The following MTOR variants were observed in gnomAD, a reference collection of about 807,000 sequenced individuals.
MTOR encodes mechanistic target of rapamycin kinase, also known as serine/threonine-protein kinase mTOR.
A neutral mutation model predicts 319.8 loss-of-function variants in MTOR; 70 were observed. That is an observed-to-expected ratio of 0.22 (90% CI 0.18 to 0.27). The LOEUF (loss-of-function observed/expected upper bound fraction) is 0.27. Among genes scored for constraint, MTOR ranks in the 10% least tolerant of loss-of-function variants. The pLI is 1.00. For missense variants in MTOR, 1,890 were observed against 3,274.4 expected, an observed-to-expected ratio of 0.58 and a Z score of 10.32; for synonymous variants, 1,183 against 1,211.4, an observed-to-expected ratio of 0.98 and a Z score of 0.49.
chr1:11,158,338 TA>T (rs1479788322), intron 29 of MTOR, among the ~76,000 whole-genome samples: 1 of 152,218 alleles, frequency 6.6e-6, no homozygotes, highest in South Asian at 2.1e-4. Flanking sequence ...GTGCAGTATG[TA>T]GACTAACAAC....
chr1:11,121,504 GA>G lies in MTOR; in HGVS notation c.6811-137del. 1 of 1,230,454 alleles carries G rather than the reference GA, an allele frequency of 8.1e-7. No homozygotes were observed. Among genetic ancestry groups the G allele is most frequent in the Non-Finnish European group, 1.1e-6 (1 of 888,938 alleles). 76.2% of individuals were successfully genotyped at this position (1,230,454 alleles called of 1,614,324 possible). ...CATAGCCAAAGGAGAAGGGAAATAAGAACATGGCAAAAGGAGAAACGAAGTG... is the reference window on the plus strand; with the variant it reads ...CATAGCCAAAGGAGAAGGGAAATAAGACATGGCAAAAGGAGAAACGAAGTG... On this transcript the variant is annotated intron_variant, in intron 48 of 57. Coordinates refer to ENST00000361445, the MANE Select transcript of MTOR (RefSeq NM_004958.4). This position sits in a 1 kb window ranked among gnomAD's most constrained non-coding sequence, Gnocchi z 4.9.
chr1:11,122,999 C>G (rs1204144860), intron 47 of MTOR, among the ~76,000 whole-genome samples: 2 of 152,102 alleles, frequency 1.3e-5, no homozygotes, highest in Non-Finnish European at 2.9e-5. Context: ...AAATACCTCT[C>G]AAGTGAATTC....
chr1:11,205,788 T>C (rs978045398), intron 25 of MTOR, among the ~76,000 whole-genome samples: 1 of 152,202 alleles, frequency 6.6e-6, no homozygotes, highest in African/African-American at 2.4e-5. Flanking sequence ...TAAAATATGT[T>C]CTTCATAGAT....
At chr1:11,232,634 G>A in intron 15 of MTOR, 106 bp from the exon 16 acceptor site, 3 of 813,542 alleles carry the variant, frequency 3.7e-6, no homozygotes, top group Non-Finnish European at 6.0e-6. Context: ...CAGCACTTTG[G>A]GAGGCTGAGG....
At chr1:11,255,577 G>A (rs956269713) in intron 5 of MTOR, among the ~76,000 whole-genome samples, 8 of 151,890 alleles carry the variant, frequency 5.3e-5, no homozygotes, top group African/African-American at 1.5e-4. Flanking sequence ...GAGGCCAGGC[G>A]CGGTAGCTCA....
chr1:11,255,536 T>C (rs1353005390), intron 5 of MTOR, among the ~76,000 whole-genome samples: 3 of 152,152 alleles, frequency 2.0e-5, no homozygotes, highest in Non-Finnish European at 4.4e-5. Context: ...AAAGTAACTA[T>C]TGATTCATAC....
intron 18 of MTOR, 52 bp downstream of exon 18, chr1:11,230,873 G>A (rs778863614): frequency 2.5e-6 from 4 of 1,610,488 alleles, no homozygotes; most frequent in Non-Finnish European, 3.4e-6. Context: ...CAACCAGCAA[G>A]GGCTCTGTGA....
At chr1:11,200,881 G>C (rs889233704) in intron 26 of MTOR, among the ~76,000 whole-genome samples, 3 of 152,016 alleles carry the variant, frequency 2.0e-5, no homozygotes, top group African/African-American at 7.3e-5. Context: ...CGGGCGCGGT[G>C]GTGGTGGCCT....
rs896571874 is a variant in MTOR, at chr1:11,155,759, G to A, written c.4469+1393C>T. 2.0e-5 allele frequency among the ~76,000 whole-genome samples: 3 copies of A among 152,218 alleles called. No homozygotes were observed. The South Asian group carries it at 6.2e-4, about 32-fold the overall frequency. On this transcript the variant is annotated intron_variant, in intron 30 of 57. Coordinates refer to ENST00000361445, the MANE Select transcript of MTOR (RefSeq NM_004958.4). ...TGTTGATGGTATCACAATGTATTAC[G>A]ACAGCCTGGTTGTCTGTCCTGTAAG...
chr1:11,232,802 G>A (rs1414471946), intron 15 of MTOR, among the ~76,000 whole-genome samples: 2 of 150,688 alleles, frequency 1.3e-5, no homozygotes, highest in Non-Finnish European at 3.0e-5. Flanking sequence ...TTGAACCCAG[G>A]AGATGGAGGT....
chr1:11,127,989 G>A lies in MTOR; in HGVS notation c.6033+15C>T, dbSNP rs1311597478. ...GGACCAGGGTCTATGAAGCCCCACA[G>A]TGGCTCCGACCCACCATCATGGCCT... is the stretch of plus-strand genomic sequence containing the variant. On this transcript the variant is annotated intron_variant, in intron 43 of 57. Transcript: ENST00000361445. This position sits in a 1 kb window ranked among gnomAD's most constrained non-coding sequence, Gnocchi z 5.5. The A allele has an allele frequency of 1.3e-5, 21 of 1,613,182 alleles. No individual in the cohort carries two copies. Among genetic ancestry groups the A allele is most frequent in the Non-Finnish European group, 1.8e-5 (21 of 1,179,980 alleles).
In MTOR at chr1:11,130,487, G is replaced by T. The variant is rs201550140; in HGVS notation, c.5613+42C>A. ...AACGATTCCATTTCTCAGAGAGCCT[G>T]GCACCTTGGTTGGTTGTTAATAAGG... On this transcript the variant is annotated intron_variant, in intron 39 of 57. Transcript: ENST00000361445. The T allele has an allele frequency of 3.2e-4, 516 of 1,593,918 alleles. 1 individual carries two copies. Among genetic ancestry groups the T allele is most frequent in the South Asian group, 4.2e-4 (37 of 88,994 alleles).
chr1:11,154,795 G>A (rs1469737767), intron 30 of MTOR, among the ~76,000 whole-genome samples: 1 of 151,942 alleles, frequency 6.6e-6, no homozygotes, highest in African/African-American at 2.4e-5. Flanking sequence ...ACCACAGTGA[G>A]CTGTGATCAC....
At chr1:11,165,895 G>C (rs1314933588) in intron 29 of MTOR, among the ~76,000 whole-genome samples, 3 of 152,130 alleles carry the variant, frequency 2.0e-5, no homozygotes, top group Admixed American at 6.6e-5. Flanking sequence ...CCAAAACAGA[G>C]ATATAGACCA....
rs540138787 is a variant in MTOR at position 11,148,865 on chromosome 1, T to C, written c.4570+1261A>G. On this transcript the variant is annotated intron_variant, in intron 31 of 57. Transcript: ENST00000361445. ...GTGAGCCGAGATCGTGCCACTGCAC[T>C]CCAGCCTGGGTGACAGAGCGAGACT... Among the ~76,000 whole-genome samples, 125 of 151,814 alleles carry C rather than the reference T, an allele frequency of 8.2e-4. 1 individual carries two copies. In the South Asian group the frequency reaches 0.013, roughly 16 times the overall value.
intron 53 of MTOR, among the ~76,000 whole-genome samples, chr1:11,113,868 G>A (rs1642020964): frequency 6.6e-6 from 1 of 152,152 alleles, no homozygotes; most frequent in Non-Finnish European, 1.5e-5. Flanking sequence ...GGACCTCATG[G>A]GAGGTGATTA....
intron 28 of MTOR, chr1:11,193,545 G>GC: frequency 1.9e-6 from 3 of 1,543,770 alleles, no homozygotes; most frequent in Admixed American, 2.0e-5. Context: ...TTCTGCCCCT[G>GC]CAAGTCCCTC....
At chr1:11,163,596 G>A (rs1327358900) in intron 29 of MTOR, among the ~76,000 whole-genome samples, 1 of 152,192 alleles carries the variant, frequency 6.6e-6, no homozygotes, top group Admixed American at 6.5e-5. Flanking sequence ...TCAGACCACA[G>A]TGCAATCAAA....
chr1:11,197,307 C>T (rs1235358718), intron 28 of MTOR, among the ~76,000 whole-genome samples: 1 of 152,198 alleles, frequency 6.6e-6, no homozygotes, highest in Non-Finnish European at 1.5e-5. Context: ...AAGGCTGTTT[C>T]TTAAAACTTC....
Sources: gnomAD v4.1 joint callset for allele counts (sites outside exome capture counted in the v4.1 genomes callset) on GRCh38, gnomAD v4.1.1 for gene constraint, Gnocchi (gnomAD v3.1) non-coding constraint, MANE v1.5 for transcripts, NCBI Gene and HGNC (gene_info 2026-07-23, HGNC 2026-07-21) for gene names.